The following MAP7 variants were observed in gnomAD, a reference collection of about 807,000 sequenced individuals.
MAP7 encodes microtubule associated protein 7.
Under a neutral mutation model 94.8 loss-of-function variants are expected in MAP7, and 52 were observed. The ratio of observed to expected loss-of-function variants is 0.55; its 90% CI spans 0.44 to 0.69. The LOEUF is 0.69. Ranked by LOEUF, MAP7 falls within the 30% of genes least tolerant of loss-of-function variation. The probability of loss-of-function intolerance (pLI) is 0.00; values close to 1 mark genes in which losing one functional copy is unlikely to be tolerated. For synonymous variants in MAP7, 350 were observed against 357.0 expected (o/e 0.98, Z 0.22); for missense variants, 940 against 964.6 (o/e 0.97, Z 0.34).
chr6:136,516,299 C>A (rs1824809353), intron 1 of MAP7, among the ~76,000 whole-genome samples: 1 of 152,010 alleles, frequency 6.6e-6, no homozygotes, highest in Admixed American at 6.6e-5. Context: ...GTAGCTGAGA[C>A]CACAGGTGCA....
intron 1 of MAP7, among the ~76,000 whole-genome samples, chr6:136,505,277 G>GTATA (rs56764706): frequency 0.06 from 3,225 of 53,694 alleles, 160 homozygotes; most frequent in Non-Finnish European, 0.078. Flanking sequence ...GTGTGTGTGT[G>GTATA]TATATATATA....
At chr6:136,409,270 A>G (rs1786595849) in intron 3 of MAP7, among the ~76,000 whole-genome samples, 1 of 152,170 alleles carries the variant, frequency 6.6e-6, no homozygotes, top group Non-Finnish European at 1.5e-5. Flanking sequence ...CTGTAATGCC[A>G]GCTACTAAAG....
chr6:136,494,890 G>A (rs1174327879), intron 1 of MAP7, among the ~76,000 whole-genome samples: 1 of 152,110 alleles, frequency 6.6e-6, no homozygotes, highest in Non-Finnish European at 1.5e-5. Flanking sequence ...CAGAGCATGG[G>A]TGTCCATAGA....
intron 5 of MAP7, among the ~76,000 whole-genome samples, chr6:136,385,747 A>G (rs1409158516): frequency 6.6e-6 from 1 of 152,170 alleles, no homozygotes; most frequent in Non-Finnish European, 1.5e-5. Flanking sequence ...AAAACACACA[A>G]AAGAATAAGT....
At chr6:136,522,710 T>C (rs1826750390) in intron 1 of MAP7, among the ~76,000 whole-genome samples, 1 of 152,216 alleles carries the variant, frequency 6.6e-6, no homozygotes. Context: ...GTCATCTTGC[T>C]ATGATGCTTT....
chr6:136,403,802 C>T (rs1480506990), intron 3 of MAP7, among the ~76,000 whole-genome samples: 1 of 152,230 alleles, frequency 6.6e-6, no homozygotes, highest in Non-Finnish European at 1.5e-5. Context: ...AGCAATTATT[C>T]TTTCCAGTCC....
chr6:136,356,716 T>A lies in MAP7; in HGVS notation c.1991A>T (p.His664Leu), dbSNP rs920235449. Residue 664 changes from histidine (H) to leucine (L), a missense_variant, in exon 16 of 18, where the codon CAC (histidine) becomes CTC (leucine). Coordinates refer to ENST00000354570, the MANE Select transcript of MAP7 (RefSeq NM_003980.6). ...CCTCTCCACTGTCACTTTTGACTGG[T>A]GTGAGGTAACCACATGTGGGCTGCC... ...PVGSPHVVTS[H>L]QSKVTVESTP... 9.9e-6 allele frequency: 16 copies of A among 1,614,136 alleles called. No homozygotes were observed. Among genetic ancestry groups the A allele is most frequent in the Admixed American group, 1.7e-5 (1 of 60,020 alleles).
At chr6:136,491,578 G>C (rs992086177) in intron 1 of MAP7, among the ~76,000 whole-genome samples, 2 of 152,166 alleles carry the variant, frequency 1.3e-5, no homozygotes, top group African/African-American at 4.8e-5. Context: ...CTGTATCCCT[G>C]TGCAAGGAAC....
chr6:136,387,554 A>T (rs1779501886), intron 5 of MAP7, among the ~76,000 whole-genome samples: 1 of 152,146 alleles, frequency 6.6e-6, no homozygotes, highest in African/African-American at 2.4e-5. Context: ...CTATTGATGC[A>T]TCGGCCCTAG....
chr6:136,400,745 T>C (rs1783833634), intron 3 of MAP7, among the ~76,000 whole-genome samples: 2 of 152,208 alleles, frequency 1.3e-5, no homozygotes, highest in African/African-American at 4.8e-5. Context: ...AGCTGGGATT[T>C]TCATTCAGCT....
intron 1 of MAP7, among the ~76,000 whole-genome samples, chr6:136,427,083 G>GT (rs1333026748): frequency 3.9e-5 from 6 of 152,224 alleles, no homozygotes; most frequent in African/African-American, 1.4e-4. Context: ...CCATTACGTG[G>GT]TAAAAAGTAA....
chr6:136,420,026 G>A (rs1790765327), intron 2 of MAP7: 1 of 832,414 alleles, frequency 1.2e-6, no homozygotes, highest in Non-Finnish European at 2.1e-6. Flanking sequence ...ACCACCACTT[G>A]ATGCTGATAA....
At chr6:136,354,809 T>C (rs752973436) in intron 16 of MAP7, among the ~76,000 whole-genome samples, 13 of 152,220 alleles carry the variant, frequency 8.5e-5, no homozygotes, top group Non-Finnish European at 1.6e-4. Flanking sequence ...GTATCAAATA[T>C]AGTAAAATTA....
At chr6:136,457,264 T>C (rs1443453294) in intron 1 of MAP7, among the ~76,000 whole-genome samples, 2 of 148,500 alleles carry the variant, frequency 1.3e-5, no homozygotes, top group Non-Finnish European at 3.0e-5. Context: ...AGAAATAAAA[T>C]ATCTGAACAC....
intron 3 of MAP7, among the ~76,000 whole-genome samples, chr6:136,406,762 A>C (rs929591333): frequency 6.6e-6 from 1 of 152,210 alleles, no homozygotes; most frequent in Admixed American, 6.5e-5. Flanking sequence ...TGGAGGTTGC[A>C]GTGAGCTGAG....
At position 136,550,262 on chromosome 6, in the gene MAP7, G is replaced by T; in HGVS notation, c.67+80C>A. ...GCGGGGAGGGGGCTGCCGGCGCCGGGTGATTTCGGTGCCAGCCCGCCGGCC... is the reference window on the plus strand; with the variant it reads ...GCGGGGAGGGGGCTGCCGGCGCCGGTTGATTTCGGTGCCAGCCCGCCGGCC... On this transcript the variant is annotated intron_variant, in intron 1 of 17. Coordinates refer to ENST00000354570, the MANE Select transcript of MAP7 (RefSeq NM_003980.6). This position sits in a 1 kb window ranked among gnomAD's most constrained non-coding sequence, Gnocchi z 5.1. 7.9e-7 allele frequency: 1 copy of T among 1,259,984 alleles called. No individual in the cohort carries two copies. The highest frequency in any genetic ancestry group is 1.0e-6 in the Non-Finnish European group (1 of 975,304). 78.1% of individuals were successfully genotyped at this position (1,259,984 alleles called of 1,614,324 possible).
chr6:136,353,577 A>G (rs763141774), intron 16 of MAP7, among the ~76,000 whole-genome samples: 6 of 152,128 alleles, frequency 3.9e-5, no homozygotes, highest in Admixed American at 2.0e-4. Flanking sequence ...TTTTTGAGAC[A>G]GGGTCTCGCT....
Position 136,428,725 on chromosome 6 carries a change from G to C in MAP7, c.68-6926C>G, listed in dbSNP as rs571348656. On this transcript the variant is annotated intron_variant, in intron 1 of 17. Coordinates refer to ENST00000354570, the MANE Select transcript of MAP7 (RefSeq NM_003980.6). ...TGTCTAGTCATAGTCATCATATTCT[G>C]AGCTTAAACAGTCTCCAAATAAATG... Among the ~76,000 whole-genome samples, 3 of 152,226 alleles carry C rather than the reference G, an allele frequency of 2.0e-5. No homozygotes were observed. The South Asian group carries it at 6.2e-4, about 32-fold the overall frequency.
intron 10 of MAP7, among the ~76,000 whole-genome samples, chr6:136,363,892 A>T (rs539906490): frequency 1.3e-5 from 2 of 152,328 alleles, no homozygotes; most frequent in Admixed American, 1.3e-4. Context: ...TATCTTTCAG[A>T]GTCCTCATAT....
Sources: allele counts gnomAD v4.1 joint callset (sites outside exome capture counted in the v4.1 genomes callset), GRCh38; gene constraint gnomAD v4.1.1; non-coding constraint Gnocchi (gnomAD v3.1); transcripts MANE v1.5; gene names NCBI Gene and HGNC (gene_info 2026-07-23, HGNC 2026-07-21).